Variants in TRIM59 observed in about 807,000 individuals in gnomAD.
TRIM59 encodes the protein tripartite motif-containing protein 59.
A neutral mutation model predicts 32.2 loss-of-function variants in TRIM59; 14 were observed. The observed-to-expected ratio is 0.43, with a 90% CI of 0.29 to 0.68. The LOEUF is 0.68. Ranked by LOEUF, TRIM59 falls within the 30% of genes least tolerant of loss-of-function variation. The probability of loss-of-function intolerance (pLI) is 0.15; values close to 1 mark genes in which losing one functional copy is unlikely to be tolerated. For missense variants in TRIM59, 471 were observed against 463.3 expected (o/e 1.02, Z -0.15); for synonymous variants, 163 against 155.1 (o/e 1.05, Z -0.38).
intron 2 of TRIM59, chr3:160,447,927 AT>A (rs1326053004): frequency 6.6e-6 from 1 of 152,186 alleles, no homozygotes; most frequent in African/African-American, 2.4e-5. Context: ...CATATATAAG[AT>A]TTTTTTAACA....
chr3:160,438,139 T>C lies in TRIM59; in HGVS notation c.1045A>G (p.Asn349Asp), dbSNP rs2108514343. The C allele has an allele frequency of 6.2e-7, 1 of 1,611,928 alleles. No individual in the cohort carries two copies. The highest frequency in any genetic ancestry group is 2.2e-5 in the East Asian group (1 of 44,830). ...SVILMSILFF[N>D]QHIITFLSEI... ...CTTAAAAAGGTTATGATGTGTTGGT[T>C]GAAAAAGAGTATCGACATCAGTATT... Residue 349 changes from asparagine (N) to aspartate (D), a missense_variant, in exon 3 of 3, where the codon AAC becomes GAC. Transcript: ENST00000309784.
chr3:160,437,488 T>C lies in TRIM59; in HGVS notation c.*484A>G, dbSNP rs2108513862. 2.0e-6 allele frequency: 2 copies of C among 985,508 alleles called. No homozygotes were observed. The highest frequency in any genetic ancestry group is 2.4e-6 in the Non-Finnish European group (2 of 829,954). 61.0% of individuals were successfully genotyped at this position (985,508 alleles called of 1,614,324 possible). A position where few individuals can be genotyped will look rare whatever the true frequency, so the allele number is the denominator to read the frequency against. ...CAGGTATGTTTGATCAAAAGATCTT[T>C]AAGCCATGCCTTATCACTTTAAGAC... is the stretch of plus-strand genomic sequence containing the variant. On this transcript the variant is annotated 3_prime_UTR_variant, in exon 3 of 3. Coordinates refer to ENST00000309784, the MANE Select transcript of TRIM59 (RefSeq NM_173084.3).
chr3:160,438,162 A>G lies in TRIM59; in HGVS notation c.1022T>C (p.Ile341Thr). 2 of 1,612,284 alleles carry G rather than the reference A, an allele frequency of 1.2e-6. No homozygotes were observed. Among genetic ancestry groups the G allele is most frequent in the Admixed American group, 1.7e-5 (1 of 59,732 alleles). The part of the protein sequence containing the change: ...NIVVVTLISV[I>T]LMSILFFNQH... Reference sequence around the variant, plus strand: ...GTTGAAAAAGAGTATCGACATCAGTATTACTGAAATTAATGTAACTACAAC... The same window carrying G: ...GTTGAAAAAGAGTATCGACATCAGTGTTACTGAAATTAATGTAACTACAAC... The change falls in exon 3 of 3, where the codon ATA becomes ACA. Residue 341 changes from isoleucine (I) to threonine (T), a missense_variant. Physicochemically the swap from Ile to Thr is moderately conservative, Grantham distance 89. Coordinates refer to ENST00000309784, the MANE Select transcript of TRIM59 (RefSeq NM_173084.3).
At chr3:160,448,935 G>T (rs1327908662) in intron 1 of TRIM59, 140 bp from the exon 2 acceptor site, 49 of 388,110 alleles carry the variant, frequency 1.3e-4, no homozygotes, top group Non-Finnish European at 1.7e-4. Context: ...CACCAACACA[G>T]TTGCTGGAGC....
In TRIM59 at chr3:160,436,999, G is replaced by A. The variant is rs750050412; in HGVS notation, c.*973C>T. 2.1e-5 allele frequency: 21 copies of A among 984,492 alleles called. No individual in the cohort carries two copies. The highest frequency in any genetic ancestry group is 6.2e-5 in the Admixed American group (1 of 16,154). 61.0% of individuals were successfully genotyped at this position (984,492 alleles called of 1,614,324 possible). ...TAATCCAAGAACTGATTTGACTGAC[G>A]AGCAGAAAAAAAAACAATCTTAAAT... On this transcript the variant is annotated 3_prime_UTR_variant, in exon 3 of 3. Transcript: ENST00000309784.
rs142583866 is a variant in TRIM59, at chr3:160,445,481, T to C, written c.-4+3245A>G. ...ATGATAATGAACTAGAAAACTTAAA[T>C]TGCTAGAACTGGCTGGGCACTGTGG... On this transcript the variant is annotated intron_variant, in intron 2 of 2. Transcript: ENST00000309784. 9.9e-5 allele frequency among the ~76,000 whole-genome samples: 15 copies of C among 151,744 alleles called. No individual in the cohort carries two copies. In the East Asian group the frequency reaches 2.9e-3, roughly 30 times the overall value.
At chr3:160,441,400 GTTTT>G (rs1168307339) in intron 2 of TRIM59, among the ~76,000 whole-genome samples, 1 of 151,752 alleles carries the variant, frequency 6.6e-6, no homozygotes, top group Non-Finnish European at 1.5e-5. Flanking sequence ...TTTGTTTTTT[GTTTT>G]TTTAATAGCA....
At chr3:160,444,699 G>A (rs558002706) in intron 2 of TRIM59, among the ~76,000 whole-genome samples, 2 of 152,286 alleles carry the variant, frequency 1.3e-5, no homozygotes, top group Non-Finnish European at 2.9e-5. Flanking sequence ...TTGCTGCCTC[G>A]GAGCCACAAA....
chr3:160,449,737 G>A lies in TRIM59; in HGVS notation c.-94C>T, dbSNP rs373291525. 4.7e-6 allele frequency: 6 copies of A among 1,289,816 alleles called. No individual in the cohort carries two copies. The highest frequency in any genetic ancestry group is 2.3e-5 in the Admixed American group (1 of 43,550). 79.9% of individuals were successfully genotyped at this position (1,289,816 alleles called of 1,614,324 possible). On this transcript the variant is annotated 5_prime_UTR_variant, in exon 1 of 3. Coordinates refer to ENST00000309784, the MANE Select transcript of TRIM59 (RefSeq NM_173084.3). ...CTCACCGCGGGGAGGAAGCGGACCA[G>A]GCAACTCCACAGCACGGAAACACAG...
chr3:160,444,167 G>C (rs1364658604), intron 2 of TRIM59, among the ~76,000 whole-genome samples: 1 of 151,954 alleles, frequency 6.6e-6, no homozygotes, highest in African/African-American at 2.4e-5. Flanking sequence ...GAAGGAAACA[G>C]TTTAAGAACT....
chr3:160,449,395 A>G, intron 1 of TRIM59: 3 of 834,480 alleles, frequency 3.6e-6, no homozygotes, highest in Non-Finnish European at 4.8e-6. Flanking sequence ...CCTCCCTCCT[A>G]ACGCGCCTCC....
chr3:160,437,922 G>T lies in TRIM59; in HGVS notation c.*50C>A, dbSNP rs1168045594. The T allele has an allele frequency of 6.2e-6, 9 of 1,448,844 alleles. No individual in the cohort carries two copies. Among genetic ancestry groups the T allele is most frequent in the African/African-American group, 2.9e-5 (2 of 69,546 alleles). The allele number at this position is 1,448,844 out of a possible 1,614,324, so 89.7% of individuals were successfully genotyped here. A position where few individuals can be genotyped will look rare whatever the true frequency, so the allele number is the denominator to read the frequency against. ...CTTTATCCATGCTACCCCATTTTTT[G>T]TTTAGCAATGTACAGAATAAGCCCA... is the stretch of plus-strand genomic sequence containing the variant. On this transcript the variant is annotated 3_prime_UTR_variant, in exon 3 of 3. Transcript: ENST00000309784.
Position 160,437,742 on chromosome 3 carries a change from G to T in TRIM59, c.*230C>A. The T allele has an allele frequency of 8.5e-7, 1 of 1,173,550 alleles. No individual in the cohort carries two copies. Among genetic ancestry groups the T allele is most frequent in the South Asian group, 4.0e-5 (1 of 24,972 alleles). The allele number at this position is 1,173,550 out of a possible 1,614,324, so 72.7% of individuals were successfully genotyped here. A position where few individuals can be genotyped will look rare whatever the true frequency, so the allele number is the denominator to read the frequency against. On this transcript the variant is annotated 3_prime_UTR_variant, in exon 3 of 3. Transcript: ENST00000309784. ...ACCATCATAAAGCCAATAAAAATGG[G>T]ATAGTGTATTACTTTTCAAATTGTT...
chr3:160,438,038 T>C lies in TRIM59; in HGVS notation c.1146A>G (p.Val382=). The C allele has an allele frequency of 6.3e-7, 1 of 1,591,004 alleles. No homozygotes were observed. Among genetic ancestry groups the C allele is most frequent in the Non-Finnish European group, 8.5e-7 (1 of 1,173,794 alleles). ...AGAAAATGTGACACAGTATATTCTT[T>C]ACCTTATGCAGACTGTTAGATAAAC... is the stretch of plus-strand genomic sequence containing the variant. ...YQSLSNSLHK[V]KNILCHIFYL... is the part of the protein sequence containing the mutation. Residue 382 remains valine (V), a synonymous_variant, in exon 3 of 3, where the codon GTA becomes GTG. Coordinates refer to ENST00000309784, the MANE Select transcript of TRIM59 (RefSeq NM_173084.3).
intron 1 of TRIM59, 121 bp downstream of exon 1, chr3:160,449,596 C>T (rs1273685777): frequency 1.6e-6 from 2 of 1,289,390 alleles, no homozygotes; most frequent in East Asian, 5.5e-5. Flanking sequence ...AAGCCACTCC[C>T]TCCATCGTCG....
At chr3:160,441,385 GGTTTTTT>G (rs536860256) in intron 2 of TRIM59, among the ~76,000 whole-genome samples, 19 of 152,128 alleles carry the variant, frequency 1.2e-4, no homozygotes, top group Admixed American at 6.5e-4. Context: ...TTTGTTTTGG[GGTTTTTT>G]GTTTTTTGTT....
Position 160,437,904 on chromosome 3 carries a change from C to A in TRIM59, c.*68G>T. ...AATAAAGCTTAGTTTGCTCTTTATCCATGCTACCCCATTTTTTGTTTAGCA... is the reference window on the plus strand; with the variant it reads ...AATAAAGCTTAGTTTGCTCTTTATCAATGCTACCCCATTTTTTGTTTAGCA... On this transcript the variant is annotated 3_prime_UTR_variant, in exon 3 of 3. Transcript: ENST00000309784. 1 of 1,414,484 alleles carries A rather than the reference C, an allele frequency of 7.1e-7. No individual in the cohort carries two copies. The allele number at this position is 1,414,484 out of a possible 1,614,324, so 87.6% of individuals were successfully genotyped here. A position where few individuals can be genotyped will look rare whatever the true frequency, so the allele number is the denominator to read the frequency against.
rs1719443208 is a variant in TRIM59 at position 160,444,953 on chromosome 3, C to A, written c.-4+3773G>T. The stretch of plus-strand genomic sequence containing the variant: ...ATGAGCTGAGAATTCTGTACACAGC[C>A]ACGACATAATTTATTCATGTGAAAC... On this transcript the variant is annotated intron_variant, in intron 2 of 2. Transcript: ENST00000309784. 1.3e-5 allele frequency among the ~76,000 whole-genome samples: 2 copies of A among 151,976 alleles called. 1 individual carries two copies. The highest frequency in any genetic ancestry group is 4.1e-4 in the South Asian group (2 of 4,824).
At chr3:160,441,817 T>A (rs889527057) in intron 2 of TRIM59, among the ~76,000 whole-genome samples, 14 of 147,838 alleles carry the variant, frequency 9.5e-5, no homozygotes, top group Non-Finnish European at 1.9e-4. Flanking sequence ...AATATTCAGA[T>A]CCCGAATGAG....
Sources: allele counts gnomAD v4.1 joint callset (sites outside exome capture counted in the v4.1 genomes callset), GRCh38; gene constraint gnomAD v4.1.1; transcripts MANE v1.5; gene names NCBI Gene and HGNC (gene_info 2026-07-23, HGNC 2026-07-21).